Variants in XYLB observed in about 807,000 individuals in gnomAD.
The protein encoded by XYLB is xylulokinase, also known as xylulose kinase.
Under a neutral mutation model 78.7 loss-of-function variants are expected in XYLB, and 62 were observed. The ratio of observed to expected loss-of-function variants is 0.79; its 90% confidence interval spans 0.64 to 0.97. The LOEUF (loss-of-function observed/expected upper bound fraction) is 0.97, where lower values mean the gene tolerates loss of function less well. Among genes scored for constraint, XYLB ranks in the 50% least tolerant of loss-of-function variants. The pLI is 0.00. For synonymous variants in XYLB, 245 were observed against 247.4 expected, an observed-to-expected ratio of 0.99 and a Z score of 0.09; for missense variants, 687 against 676.8, an observed-to-expected ratio of 1.02 and a Z score of -0.17.
At chr3:38,382,250 G>A (rs1323747290) in intron 15 of XYLB, among the ~76,000 whole-genome samples, 1 of 152,160 alleles carries the variant, frequency 6.6e-6, no homozygotes, top group African/African-American at 2.4e-5. Context: ...GGAGACTGAG[G>A]TGGGAGGATC....
chr3:38,347,528 A>G (rs940611427), intron 1 of XYLB, among the ~76,000 whole-genome samples: 4 of 151,950 alleles, frequency 2.6e-5, no homozygotes, highest in African/African-American at 9.7e-5. Context: ...GAAAATACAA[A>G]AATTAGCCGG....
In XYLB at chr3:38,365,179, G is replaced by A. The variant is rs1706182846; in HGVS notation, c.292-20G>A. 2 of 1,613,388 alleles carry A rather than the reference G, an allele frequency of 1.2e-6. No individual in the cohort carries two copies. The highest frequency in any genetic ancestry group is 1.1e-5 in the South Asian group (1 of 91,060). On this transcript the variant is annotated intron_variant, in intron 4 of 18. Coordinates refer to ENST00000207870, the MANE Select transcript of XYLB (RefSeq NM_005108.4). ...CACTGGTGTGTGGTCATGTGACCATGTGCTTGGGTTTCCCAACAGCAACAC... is the reference window on the plus strand; with the variant it reads ...CACTGGTGTGTGGTCATGTGACCATATGCTTGGGTTTCCCAACAGCAACAC...
chr3:38,385,331 T>C (rs932957695), intron 15 of XYLB, among the ~76,000 whole-genome samples: 4 of 152,200 alleles, frequency 2.6e-5, no homozygotes, highest in African/African-American at 9.6e-5. Flanking sequence ...TAGTTCATTC[T>C]TGTTTGTGTA....
At position 38,372,168 on chromosome 3, in the gene XYLB, C is replaced by CT. The variant is rs542943071; in HGVS notation, c.766-486dup. On this transcript the variant is annotated intron_variant, in intron 9 of 18. Transcript: ENST00000207870. ...GTGCTCAGATAGCCCTCCCTGCACT[C>CT]TGTCTTTTTTGGATTACTTTCCTTA... Among the ~76,000 whole-genome samples, 58 of 152,298 alleles carry CT rather than the reference C, an allele frequency of 3.8e-4. 4 individuals carry two copies. The East Asian group carries it at 0.011, about 28-fold the overall frequency.
intron 2 of XYLB, among the ~76,000 whole-genome samples, chr3:38,353,803 C>T (rs1481990784): frequency 6.7e-6 from 1 of 150,168 alleles, no homozygotes; most frequent in African/African-American, 2.4e-5. Context: ...AGGAGAATCA[C>T]CTGAACCTGG....
rs370909884 is a variant in XYLB at position 38,361,348 on chromosome 3, G to A, written c.210+940G>A. ...CTGAAACTGGAGGCCAGCTAAGTGT[G>A]TGTCTTCCAAAAGCTTTTTTCAGTC... On this transcript the variant is annotated intron_variant, in intron 3 of 18. Transcript: ENST00000207870. Among the ~76,000 whole-genome samples the A allele has an allele frequency of 1.3e-4, 20 of 151,026 alleles. No individual in the cohort carries two copies. The South Asian group carries it at 2.7e-3, about 20-fold the overall frequency.
chr3:38,433,040 C>T, the XYLB span, among the ~76,000 whole-genome samples: 3 of 152,242 alleles, frequency 2.0e-5, no homozygotes, highest in Admixed American at 6.5e-5. Context: ...ATGAGGGCTC[C>T]GTCCCCCAGC....
intron 2 of XYLB, among the ~76,000 whole-genome samples, chr3:38,359,230 A>C (rs1427283031): frequency 6.6e-6 from 1 of 152,280 alleles, no homozygotes; most frequent in African/African-American, 2.4e-5. Context: ...GATTATCTGC[A>C]GCAGGAACAT....
chr3:38,376,972 T>C lies in XYLB; in HGVS notation c.1175T>C (p.Phe392Ser). The C allele has an allele frequency of 6.2e-7, 1 of 1,614,106 alleles. No individual in the cohort carries two copies. Reference protein sequence around the residue: ...ITPEIIGRHRFNTENHKVAAF... With the variant: ...ITPEIIGRHRSNTENHKVAAF... ...CCTGAAATTATTGGACGTCATAGGT[T>C]TAACACAGAAAACCACAAGGTACAT... Residue 392 changes from phenylalanine to serine, a missense_variant, in exon 14 of 19, where the codon TTT becomes TCT. By Grantham distance (155) the Phe-to-Ser change is radical (BLOSUM62 -2). Transcript: ENST00000207870.
intron 16 of XYLB, 150 bp from the exon 17 acceptor site, chr3:38,396,922 T>A (rs1467467734): frequency 2.7e-6 from 2 of 746,586 alleles, no homozygotes; most frequent in Non-Finnish European, 4.5e-6. Flanking sequence ...CAGGGTAGCA[T>A]GACCAAGCAT....
intron 15 of XYLB, among the ~76,000 whole-genome samples, chr3:38,392,566 G>A (rs571225835): frequency 6.6e-6 from 1 of 152,174 alleles, no homozygotes; most frequent in African/African-American, 2.4e-5. Flanking sequence ...CAAAGTGCTG[G>A]GATTACAGGC....
At chr3:38,357,865 TAA>T (rs10717157) in intron 2 of XYLB, among the ~76,000 whole-genome samples, 6 of 151,164 alleles carry the variant, frequency 4.0e-5, no homozygotes, top group Admixed American at 2.6e-4. Context: ...TGCCCTTTTT[TAA>T]AAAAAAACTG....
At chr3:38,369,022 G>T (rs1344835718) in intron 8 of XYLB, among the ~76,000 whole-genome samples, 2 of 152,204 alleles carry the variant, frequency 1.3e-5, no homozygotes, top group African/African-American at 2.4e-5. Context: ...AGGAACTCTT[G>T]GATGAGCCTA....
At chr3:38,405,116 A>C (rs1030356059) in intron 18 of XYLB, among the ~76,000 whole-genome samples, 1 of 152,122 alleles carries the variant, frequency 6.6e-6, no homozygotes, top group Non-Finnish European at 1.5e-5. Context: ...TTGTTTATTT[A>C]TTTTGGCTTA....
At chr3:38,420,621 AC>A (rs1708946721) in exon 18 of XYLB, among the ~76,000 whole-genome samples, 1 of 152,200 alleles carries the variant, frequency 6.6e-6, no homozygotes, top group Admixed American at 6.5e-5. Flanking sequence ...TCTTTGTGGA[AC>A]TTTTAAGTGA....
intron 9 of XYLB, 108 bp from the exon 10 acceptor site, chr3:38,372,547 T>C: frequency 6.3e-7 from 1 of 1,577,234 alleles, no homozygotes; most frequent in Non-Finnish European, 8.6e-7. Flanking sequence ...CCTTCAGGTC[T>C]GGTGACCTGG....
At chr3:38,405,845 A>G (rs1329912119) in intron 18 of XYLB, among the ~76,000 whole-genome samples, 1 of 152,218 alleles carries the variant, frequency 6.6e-6, no homozygotes, top group Non-Finnish European at 1.5e-5. Flanking sequence ...GGCGCCTGCC[A>G]TTGCCCAGGC....
downstream of XYLB, among the ~76,000 whole-genome samples, chr3:38,419,685 C>T (rs1708916988): frequency 6.8e-6 from 1 of 147,278 alleles, no homozygotes; most frequent in African/African-American, 2.5e-5. Flanking sequence ...ATGTTAAGCA[C>T]TTTTCATGTT....
chr3:38,410,899 G>A (rs1488727799), intron 18 of XYLB, among the ~76,000 whole-genome samples: 6 of 152,002 alleles, frequency 3.9e-5, no homozygotes, highest in East Asian at 3.9e-4. Flanking sequence ...TGGAGAGGAT[G>A]TGGAGAAATA....
Sources: allele counts gnomAD v4.1 joint callset (sites outside exome capture counted in the v4.1 genomes callset), GRCh38; gene constraint gnomAD v4.1.1; transcripts MANE v1.5; gene names NCBI Gene and HGNC (gene_info 2026-07-23, HGNC 2026-07-21).